POFUT3: variants seen among roughly 807,000 people sequenced by gnomAD.
POFUT3 encodes protein O-fucosyltransferase 3, also known as GDP-fucose protein O-fucosyltransferase 3.
At chr8:33,429,734 A>G in the POFUT3 span, among the ~76,000 whole-genome samples, 2 of 152,096 alleles carry the variant, frequency 1.3e-5, no homozygotes, top group African/African-American at 4.8e-5. Flanking sequence ...GGTGACTCAC[A>G]CCTGTAATCC....
the POFUT3 span, among the ~76,000 whole-genome samples, chr8:33,337,306 C>T: frequency 1.3e-5 from 2 of 152,196 alleles, no homozygotes; most frequent in Admixed American, 1.3e-4. Flanking sequence ...TAAACATTGA[C>T]ATTTCTGCAC....
chr8:33,461,458 C>T, the POFUT3 span: 2 of 1,613,512 alleles, frequency 1.2e-6, no homozygotes, highest in Non-Finnish European at 8.5e-7. Flanking sequence ...ACCATGCTGC[C>T]CTGCCCTGGG....
the POFUT3 span, among the ~76,000 whole-genome samples, chr8:33,399,817 C>T: frequency 6.6e-6 from 1 of 151,862 alleles, no homozygotes; most frequent in Non-Finnish European, 1.5e-5. Context: ...CCACGCCCGG[C>T]TAATTTTTGT....
At chr8:33,443,486 C>T in the POFUT3 span, among the ~76,000 whole-genome samples, 2 of 151,972 alleles carry the variant, frequency 1.3e-5, no homozygotes, top group Non-Finnish European at 2.9e-5. Flanking sequence ...GTTTTGATTT[C>T]TCAGCTTTAT....
the POFUT3 span, among the ~76,000 whole-genome samples, chr8:33,346,166 A>G: frequency 6.6e-6 from 1 of 151,272 alleles, no homozygotes; most frequent in Non-Finnish European, 1.5e-5. Flanking sequence ...GTGGAAAGAA[A>G]AAAAAAAAAA....
At chr8:33,368,206 T>G in the POFUT3 span, among the ~76,000 whole-genome samples, 1 of 152,164 alleles carries the variant, frequency 6.6e-6, no homozygotes, top group African/African-American at 2.4e-5. Flanking sequence ...CTGCTGGTCA[T>G]GACTGGTCAT....
chr8:33,417,083 T>A, the POFUT3 span, among the ~76,000 whole-genome samples: 1 of 152,100 alleles, frequency 6.6e-6, no homozygotes, highest in Admixed American at 6.6e-5. Context: ...GCGCTGGCAT[T>A]ACCGTCTGAG....
the POFUT3 span, among the ~76,000 whole-genome samples, chr8:33,451,335 G>T: frequency 2.0e-5 from 3 of 151,960 alleles, no homozygotes; most frequent in South Asian, 4.1e-4. Context: ...GATTTAGGAT[G>T]CTCAATCTGT....
the POFUT3 span, among the ~76,000 whole-genome samples, chr8:33,434,204 T>C: frequency 6.6e-6 from 1 of 152,058 alleles, no homozygotes; most frequent in Non-Finnish European, 1.5e-5. Flanking sequence ...GAGGTTGCAA[T>C]GAGCCAAGAT....
the POFUT3 span, chr8:33,461,624 A>G: frequency 2.6e-6 from 4 of 1,530,330 alleles, no homozygotes; most frequent in Non-Finnish European, 3.5e-6. Flanking sequence ...CGAGGTTGTG[A>G]GAGGGTCTGG....
At chr8:33,384,499 CCTACT>C in the POFUT3 span, among the ~76,000 whole-genome samples, 1 of 152,116 alleles carries the variant, frequency 6.6e-6, no homozygotes, top group Non-Finnish European at 1.5e-5. Context: ...CATACCTCTG[CCTACT>C]CTATCACTCA....
At chr8:33,340,180 C>T in the POFUT3 span, among the ~76,000 whole-genome samples, 10 of 151,820 alleles carry the variant, frequency 6.6e-5, no homozygotes, top group East Asian at 1.9e-4. Context: ...TTGTAAAGTT[C>T]GTGTATATGT....
At chr8:33,448,670 A>G in the POFUT3 span, among the ~76,000 whole-genome samples, 2 of 152,134 alleles carry the variant, frequency 1.3e-5, no homozygotes, top group Non-Finnish European at 2.9e-5. Context: ...ATGATGGCTT[A>G]CACATGTAAT....
chr8:33,328,572 A>G, the POFUT3 span, among the ~76,000 whole-genome samples: 40,397 of 151,732 alleles, frequency 0.27, 5,742 homozygotes, highest in South Asian at 0.5. Context: ...GGGAACAGTC[A>G]ATGAGTCAAC....
chr8:33,464,078 T>C, the POFUT3 span, among the ~76,000 whole-genome samples: 1 of 152,220 alleles, frequency 6.6e-6, no homozygotes, highest in Non-Finnish European at 1.5e-5. Flanking sequence ...TCATGAGGCC[T>C]AATCAGAGTT....
At chr8:33,470,633 G>A in the POFUT3 span, among the ~76,000 whole-genome samples, 2 of 151,910 alleles carry the variant, frequency 1.3e-5, no homozygotes, top group Admixed American at 6.6e-5. Context: ...CAAGATACTC[G>A]AATTAAAATC....
chr8:33,310,693 A>AAG, the POFUT3 span, among the ~76,000 whole-genome samples: 1 of 151,158 alleles, frequency 6.6e-6, no homozygotes, highest in East Asian at 2.0e-4. Context: ...TCCATCTCAA[A>AAG]AAAAAAAAAA....
chr8:33,460,727 CTT>C, the POFUT3 span: 14 of 985,170 alleles, frequency 1.4e-5, no homozygotes, highest in Non-Finnish European at 1.7e-5. Context: ...ATTTCAATGA[CTT>C]TGTTTCTGCC....
the POFUT3 span, among the ~76,000 whole-genome samples, chr8:33,312,343 A>T: frequency 6.6e-6 from 1 of 152,094 alleles, no homozygotes; most frequent in Non-Finnish European, 1.5e-5. Flanking sequence ...GTGATGACAG[A>T]GGCAGAGATG....
Sources: gnomAD v4.1 joint callset for allele counts (sites outside exome capture counted in the v4.1 genomes callset) on GRCh38, gnomAD v4.1.1 for gene constraint, MANE v1.5 for transcripts, NCBI Gene and HGNC (gene_info 2026-07-23, HGNC 2026-07-21) for gene names.